Variants in SHC3 observed in about 807,000 individuals in gnomAD.
SHC3 encodes SHC adaptor protein 3, also known as SHC-transforming protein 3.
In SHC3, 15 loss-of-function variants were observed where a neutral mutation model predicts 60.4. That is an observed-to-expected ratio of 0.25 (90% CI 0.17 to 0.38). The LOEUF is 0.38. Among genes scored for constraint, SHC3 ranks in the 10% least tolerant of loss-of-function variants. The pLI is 1.00. For synonymous variants in SHC3, 294 were observed against 325.9 expected (o/e 0.90, Z 1.05); for missense variants, 677 against 786.1 (o/e 0.86, Z 1.66).
intron 7 of SHC3, among the ~76,000 whole-genome samples, chr9:89,048,828 C>T (rs1045648632): frequency 6.6e-6 from 1 of 152,154 alleles, no homozygotes; most frequent in African/African-American, 2.4e-5. Flanking sequence ...GCAGGGCAAG[C>T]TCAGGAGATC....
intron 1 of SHC3, among the ~76,000 whole-genome samples, chr9:89,121,764 T>C (rs1264524912): frequency 6.6e-6 from 1 of 152,212 alleles, no homozygotes; most frequent in East Asian, 1.9e-4. Context: ...ATGAAATGCA[T>C]AGTATGGTGA....
In SHC3 at chr9:89,166,475, A is replaced by G. The variant is rs1050742708; in HGVS notation, c.474+11512T>C. Among the ~76,000 whole-genome samples the G allele has an allele frequency of 8.5e-5, 13 of 152,362 alleles. No homozygotes were observed. In the South Asian group the frequency reaches 1.2e-3, roughly 15 times the overall value. On this transcript the variant is annotated intron_variant, in intron 1 of 11. Transcript: ENST00000375835. The stretch of plus-strand genomic sequence containing the variant: ...AAAATCCAGAAACAAAAATGGGAAG[A>G]CAAGAGGACTGCACAAGAACCAAAG...
At chr9:89,140,830 C>T (rs1826382920) in intron 1 of SHC3, among the ~76,000 whole-genome samples, 2 of 151,668 alleles carry the variant, frequency 1.3e-5, no homozygotes, top group African/African-American at 2.4e-5. Context: ...TTAACAGTGG[C>T]AAAAAGACAA....
intron 1 of SHC3, among the ~76,000 whole-genome samples, chr9:89,119,001 G>C (rs1354592702): frequency 1.3e-5 from 2 of 152,128 alleles, no homozygotes; most frequent in Non-Finnish European, 2.9e-5. Context: ...TCAGAAACTA[G>C]TATCTCAGGA....
intron 1 of SHC3, among the ~76,000 whole-genome samples, chr9:89,152,551 G>A (rs569589734): frequency 3.3e-5 from 5 of 152,218 alleles, no homozygotes; most frequent in African/African-American, 9.6e-5. Context: ...GTGTGCAATC[G>A]CACCTTCTCA....
intron 2 of SHC3, among the ~76,000 whole-genome samples, chr9:89,086,044 G>C (rs987210570): frequency 1.3e-5 from 2 of 152,186 alleles, no homozygotes; most frequent in Non-Finnish European, 2.9e-5. Flanking sequence ...ATACAACTTA[G>C]CATTAATAGA....
At position 89,178,404 on chromosome 9, in the gene SHC3, A is replaced by G. The variant is rs1826980687; in HGVS notation, c.57T>C (p.Asp19=). 7 of 1,548,274 alleles carry G rather than the reference A, an allele frequency of 4.5e-6. No homozygotes were observed. In the South Asian group the frequency reaches 7.1e-5, roughly 16 times the overall value. Residue 19 remains aspartate, a synonymous_variant, in exon 1 of 12, where the codon GAT becomes GAC. Coordinates refer to ENST00000375835, the MANE Select transcript of SHC3 (RefSeq NM_016848.6). The surrounding 1 kb of genome is among the most constrained non-coding windows in gnomAD (Gnocchi z 6.9). ...TCACCGACAGGCTGTGGAGAAGGTC[A>G]TCGACCGATGTCACCGAGTCATTCC... is the stretch of plus-strand genomic sequence containing the variant. ...RFRNDSVTSV[D]DLLHSLSVSG... is the part of the protein sequence containing the mutation.
chr9:89,054,319 G>A (rs894242942), intron 6 of SHC3, among the ~76,000 whole-genome samples: 1 of 152,152 alleles, frequency 6.6e-6, no homozygotes, highest in South Asian at 2.1e-4. Flanking sequence ...ATGGACTCTC[G>A]GGAATTAACT....
intron 1 of SHC3, among the ~76,000 whole-genome samples, chr9:89,144,595 C>T (rs140168150): frequency 1.1e-4 from 16 of 152,238 alleles, no homozygotes; most frequent in Middle Eastern, 3.4e-3. Flanking sequence ...ATTTGCTGAC[C>T]AGGGCTACTT....
chr9:89,047,015 A>G, intron 7 of SHC3, 21 bp from the exon 8 acceptor site: 2 of 1,534,536 alleles, frequency 1.3e-6, no homozygotes, highest in Non-Finnish European at 1.8e-6. Flanking sequence ...AAGATTTCCA[A>G]GGGCTTTAGC....
chr9:89,045,772 T>G lies in SHC3; in HGVS notation c.1175A>C (p.Asp392Ala). 6.2e-7 allele frequency: 1 copy of G among 1,614,184 alleles called. No homozygotes were observed. The highest frequency in any genetic ancestry group is 1.1e-5 in the South Asian group (1 of 91,086). Residue 392 changes from aspartate (D) to alanine (A), a missense_variant, in exon 9 of 12, where the codon GAC becomes GCC. Asp to Ala is a moderately radical substitution (Grantham distance 126). Coordinates refer to ENST00000375835, the MANE Select transcript of SHC3 (RefSeq NM_016848.6). ...GRHLGDTFGE[D>A]WQQTPLRQGS... ...TTGCCTTAAAGGTGTTTGCTGCCAG[T>G]CTTCGCCAAAAGTGTCTCCTAAGTG...
intron 1 of SHC3, among the ~76,000 whole-genome samples, chr9:89,163,293 A>G (rs1587764399): frequency 1.3e-5 from 2 of 152,182 alleles, no homozygotes; most frequent in Non-Finnish European, 2.9e-5. Flanking sequence ...ACACATGCAC[A>G]TGTATGTTTA....
At chr9:89,035,857 GTGTGT>G (rs1223272344) in intron 11 of SHC3, among the ~76,000 whole-genome samples, 7,956 of 110,338 alleles carry the variant, frequency 0.072, 1,022 homozygotes, top group African/African-American at 0.27. Context: ...ATAGATGTGT[GTGTGT>G]GTGTGTGTGT....
At chr9:89,060,902 G>A (rs533423434) in intron 6 of SHC3, among the ~76,000 whole-genome samples, 12 of 152,166 alleles carry the variant, frequency 7.9e-5, no homozygotes, top group Non-Finnish European at 1.0e-4. Context: ...TGGGGAAGTC[G>A]GGAAGGGGTT....
chr9:89,020,399 G>A (rs925374871), intron 11 of SHC3, among the ~76,000 whole-genome samples: 26 of 152,128 alleles, frequency 1.7e-4, no homozygotes, highest in African/African-American at 6.0e-4. Flanking sequence ...GGCCTCTGTG[G>A]TCTGTGGACA....
At chr9:89,037,774 C>T (rs796806845) in intron 11 of SHC3, among the ~76,000 whole-genome samples, 8 of 152,342 alleles carry the variant, frequency 5.3e-5, no homozygotes, top group African/African-American at 1.7e-4. Flanking sequence ...GGCCATAATT[C>T]TAAAAGTTTT....
intron 6 of SHC3, among the ~76,000 whole-genome samples, chr9:89,059,944 A>G (rs1825053862): frequency 7.3e-6 from 1 of 136,156 alleles, no homozygotes; most frequent in Admixed American, 7.3e-5. Flanking sequence ...GGTGGAGGAC[A>G]TAGTGAAGGA....
chr9:89,018,078 T>C (rs1826126603), intron 11 of SHC3, among the ~76,000 whole-genome samples: 1 of 152,220 alleles, frequency 6.6e-6, no homozygotes. Flanking sequence ...TGGAAGACAG[T>C]GTGGTGATTC....
rs569309131 is a variant in SHC3, at chr9:89,053,074, C to A, written c.836-911G>T. 3.9e-5 allele frequency among the ~76,000 whole-genome samples: 6 copies of A among 152,348 alleles called. No homozygotes were observed. In the East Asian group the frequency reaches 9.7e-4, roughly 25 times the overall value. ...CCTCTACTCTCCAGACCCACTTCCA[C>A]CGTGCCCTACCATAAGCGTCCACAT... On this transcript the variant is annotated intron_variant, in intron 6 of 11. Transcript: ENST00000375835.
Sources: allele counts gnomAD v4.1 joint callset (sites outside exome capture counted in the v4.1 genomes callset), GRCh38; gene constraint gnomAD v4.1.1; non-coding constraint Gnocchi (gnomAD v3.1); transcripts MANE v1.5; gene names NCBI Gene and HGNC (gene_info 2026-07-23, HGNC 2026-07-21).